The following SH3PXD2A variants were observed in gnomAD, a reference collection of about 807,000 sequenced individuals.
SH3PXD2A encodes SH3 and PX domain-containing protein 2A.
In SH3PXD2A, 32 loss-of-function variants were observed where a neutral mutation model predicts 115.2. That is an observed-to-expected ratio of 0.28 (90% confidence interval 0.21 to 0.37). SH3PXD2A has a LOEUF of 0.37. SH3PXD2A is among the 10% of genes least tolerant of loss of function. The pLI is 1.00. For missense variants in SH3PXD2A, 1,328 were observed against 1,498.7 expected (o/e 0.89, Z 1.88); for synonymous variants, 610 against 629.1 (o/e 0.97, Z 0.45).
chr10:103,781,063 G>A (rs918176055), intron 2 of SH3PXD2A, among the ~76,000 whole-genome samples: 5 of 152,138 alleles, frequency 3.3e-5, no homozygotes, highest in Non-Finnish European at 7.4e-5. Context: ...CCTGCAGATC[G>A]GTCACACTTC....
intron 2 of SH3PXD2A, among the ~76,000 whole-genome samples, chr10:103,785,709 G>A (rs1448466310): frequency 1.3e-5 from 2 of 152,074 alleles, no homozygotes; most frequent in East Asian, 1.9e-4. Context: ...GTCTCCTGAG[G>A]AGGGGAAGCA....
At chr10:103,740,060 T>A (rs1189390360) in intron 3 of SH3PXD2A, among the ~76,000 whole-genome samples, 2 of 152,128 alleles carry the variant, frequency 1.3e-5, no homozygotes, top group East Asian at 3.9e-4. Context: ...GGGACGTTAG[T>A]GGGCAGAGGA....
intron 1 of SH3PXD2A, among the ~76,000 whole-genome samples, chr10:103,826,662 T>A (rs2039432984): frequency 6.6e-6 from 1 of 152,192 alleles, no homozygotes; most frequent in South Asian, 2.1e-4. Context: ...CCGGAGCACA[T>A]TTTAGAGCCG....
chr10:103,607,365 G>A (rs1226964552), intron 13 of SH3PXD2A, among the ~76,000 whole-genome samples: 1 of 152,056 alleles, frequency 6.6e-6, no homozygotes, highest in Non-Finnish European at 1.5e-5. Flanking sequence ...GAAGTGAGGA[G>A]CGTCTCCGCC....
At chr10:103,727,957 T>C (rs965790165) in intron 4 of SH3PXD2A, among the ~76,000 whole-genome samples, 8 of 152,340 alleles carry the variant, frequency 5.3e-5, no homozygotes, top group South Asian at 2.1e-4. Context: ...CTGGTGATGA[T>C]GGCCAGGGCC....
In SH3PXD2A at chr10:103,746,360, C is replaced by T. The variant is rs1424075635; in HGVS notation, c.230-10552G>A. Among the ~76,000 whole-genome samples, 1 of 152,116 alleles carries T rather than the reference C, an allele frequency of 6.6e-6. No individual in the cohort carries two copies. The highest frequency in any genetic ancestry group is 1.5e-5 in the Non-Finnish European group (1 of 68,022). On this transcript the variant is annotated intron_variant, in intron 3 of 14. Transcript: ENST00000369774. This position sits in a 1 kb window ranked among gnomAD's most constrained non-coding sequence, Gnocchi z 4.4. Reference sequence around the variant, plus strand: ...ATTGAGACAGGGTCTTGCTCTGTTGCCCAGCCTGGAGTGCAGGGGAGTGAT... The same window carrying T: ...ATTGAGACAGGGTCTTGCTCTGTTGTCCAGCCTGGAGTGCAGGGGAGTGAT...
At chr10:103,663,700 G>A (rs544018391) in intron 7 of SH3PXD2A, among the ~76,000 whole-genome samples, 1 of 152,352 alleles carries the variant, frequency 6.6e-6, no homozygotes, top group East Asian at 1.9e-4. Context: ...CCTTCTGTAG[G>A]GGGAGGCTCC....
intron 1 of SH3PXD2A, among the ~76,000 whole-genome samples, chr10:103,828,570 G>A (rs1244649779): frequency 6.6e-6 from 1 of 152,166 alleles, no homozygotes; most frequent in Non-Finnish European, 1.5e-5. Context: ...GTGGAAAGTG[G>A]GTGGGAGAAG....
intron 5 of SH3PXD2A, among the ~76,000 whole-genome samples, chr10:103,721,142 G>A (rs1412274627): frequency 1.3e-5 from 2 of 152,218 alleles, no homozygotes; most frequent in Non-Finnish European, 2.9e-5. Flanking sequence ...GGGACGGAAC[G>A]TGCACACATT....
Position 103,817,569 on chromosome 10 carries a change from G to A in SH3PXD2A, c.73-16207C>T, listed in dbSNP as rs1457645654. Among the ~76,000 whole-genome samples, 4 of 151,942 alleles carry A rather than the reference G, an allele frequency of 2.6e-5. No homozygotes were observed. The East Asian group carries it at 7.8e-4, about 30-fold the overall frequency. Reference sequence around the variant, plus strand: ...TTAGCCAGGCTGGTCTTGAACTCCTGGCCTCATGTGATCTGCCTGCCTTGG... The same window carrying A: ...TTAGCCAGGCTGGTCTTGAACTCCTAGCCTCATGTGATCTGCCTGCCTTGG... On this transcript the variant is annotated intron_variant, in intron 1 of 14. Coordinates refer to ENST00000369774, the MANE Select transcript of SH3PXD2A (RefSeq NM_001394015.1).
chr10:103,743,369 C>T (rs530328186), intron 3 of SH3PXD2A, among the ~76,000 whole-genome samples: 2 of 152,128 alleles, frequency 1.3e-5, no homozygotes, highest in South Asian at 4.2e-4. Flanking sequence ...CCAAGCTGGT[C>T]CAAGGAGAAG....
chr10:103,610,335 CCCA>C lies in SH3PXD2A; in HGVS notation c.1308+1243_1308+1245del, dbSNP rs1473128623. ...AAACAGCAGCCCTGCCTCAGCAATC[CCCA>C]CATTTGGTAAGTGTGGAAGGAATTA... On this transcript the variant is annotated intron_variant, in intron 13 of 14. Coordinates refer to ENST00000369774, the MANE Select transcript of SH3PXD2A (RefSeq NM_001394015.1). 2.0e-5 allele frequency among the ~76,000 whole-genome samples: 3 copies of C among 152,342 alleles called. No homozygotes were observed. The East Asian group carries it at 5.8e-4, about 29-fold the overall frequency.
At chr10:103,625,248 C>T (rs2036674297) in intron 9 of SH3PXD2A, among the ~76,000 whole-genome samples, 1 of 152,238 alleles carries the variant, frequency 6.6e-6, no homozygotes, top group Non-Finnish European at 1.5e-5. Flanking sequence ...GTGCCTAGGT[C>T]CTCCATAATC....
chr10:103,765,172 T>C (rs2038740881), intron 3 of SH3PXD2A, among the ~76,000 whole-genome samples: 1 of 152,172 alleles, frequency 6.6e-6, no homozygotes, highest in Non-Finnish European at 1.5e-5. Flanking sequence ...AGCCAGGGTT[T>C]CCAGGGTGAA....
intron 6 of SH3PXD2A, among the ~76,000 whole-genome samples, chr10:103,691,419 G>T (rs1354302856): frequency 2.6e-5 from 4 of 152,246 alleles, no homozygotes; most frequent in African/African-American, 4.8e-5. Context: ...TTGAGCCCAG[G>T]TTCAACCAGG....
intron 9 of SH3PXD2A, among the ~76,000 whole-genome samples, chr10:103,625,617 G>A (rs1198431259): frequency 6.6e-6 from 1 of 152,244 alleles, no homozygotes; most frequent in Non-Finnish European, 1.5e-5. Flanking sequence ...TAGGGGCTGG[G>A]CACTGTGGCT....
At chr10:103,831,750 T>C (rs1182693602) in intron 1 of SH3PXD2A, among the ~76,000 whole-genome samples, 1 of 152,210 alleles carries the variant, frequency 6.6e-6, no homozygotes, top group Non-Finnish European at 1.5e-5. Flanking sequence ...ATCACCACTA[T>C]CTAATTCCAG....
At chr10:103,676,147 G>A (rs531943740) in intron 6 of SH3PXD2A, among the ~76,000 whole-genome samples, 2 of 152,208 alleles carry the variant, frequency 1.3e-5, no homozygotes, top group African/African-American at 4.8e-5. Flanking sequence ...GGGAACAAAG[G>A]GTCCTCATGG....
At chr10:103,843,690 C>T (rs370521237) in intron 1 of SH3PXD2A, among the ~76,000 whole-genome samples, 79 of 152,270 alleles carry the variant, frequency 5.2e-4, no homozygotes, top group African/African-American at 1.9e-3. Context: ...TAATTCAGCC[C>T]TTTGGGGTTT....
Sources: gnomAD v4.1 joint callset for allele counts (sites outside exome capture counted in the v4.1 genomes callset) on GRCh38, gnomAD v4.1.1 for gene constraint, Gnocchi (gnomAD v3.1) non-coding constraint, MANE v1.5 for transcripts, NCBI Gene and HGNC (gene_info 2026-07-23, HGNC 2026-07-21) for gene names.